Variants in DPYD observed in about 807,000 individuals in gnomAD.
The protein encoded by DPYD is dihydropyrimidine dehydrogenase [NADP(+)].
A neutral mutation model predicts 116.2 loss-of-function variants in DPYD; 109 were observed. That is an observed-to-expected ratio of 0.94 (90% CI 0.80 to 1.10). The LOEUF (loss-of-function observed/expected upper bound fraction) is 1.10, where lower values mean the gene tolerates loss of function less well. Among genes scored for constraint, DPYD ranks in the 50% least tolerant of loss-of-function variants. DPYD has a pLI of 0.00. For synonymous variants in DPYD, 440 were observed against 432.0 expected (o/e 1.02, Z -0.23); for missense variants, 1,302 against 1,254.5 (o/e 1.04, Z -0.57).
intron 16 of DPYD, among the ~76,000 whole-genome samples, chr1:97,333,496 C>A (rs1434717858): frequency 6.7e-6 from 1 of 148,794 alleles, no homozygotes; most frequent in Non-Finnish European, 1.5e-5. Context: ...CCATGCCCGG[C>A]CCCAATTGCT....
intron 16 of DPYD, among the ~76,000 whole-genome samples, chr1:97,332,095 A>G (rs1292884087): frequency 6.6e-6 from 1 of 152,160 alleles, no homozygotes; most frequent in African/African-American, 2.4e-5. Flanking sequence ...GAACACTGAG[A>G]ATTCCGTTGG....
chr1:97,110,848 T>A (rs1390038676), intron 20 of DPYD, among the ~76,000 whole-genome samples: 1 of 152,202 alleles, frequency 6.6e-6, no homozygotes, highest in African/African-American at 2.4e-5. Flanking sequence ...ATCATTAAAC[T>A]TAGTTGACCC....
intron 3 of DPYD, among the ~76,000 whole-genome samples, chr1:97,748,643 C>G (rs1664695333): frequency 6.6e-6 from 1 of 152,102 alleles, no homozygotes; most frequent in African/African-American, 2.4e-5. Flanking sequence ...TATAATTCAT[C>G]TTTGGTTCTC....
At chr1:97,718,492 T>C (rs555605606) in intron 5 of DPYD, among the ~76,000 whole-genome samples, 2 of 152,138 alleles carry the variant, frequency 1.3e-5, no homozygotes, top group African/African-American at 4.8e-5. Flanking sequence ...TATATTTAGA[T>C]GTCAATATCA....
chr1:97,266,818 T>G (rs1013165532), intron 18 of DPYD, among the ~76,000 whole-genome samples: 2 of 152,128 alleles, frequency 1.3e-5, no homozygotes, highest in African/African-American at 4.8e-5. Context: ...CTCAGAATGA[T>G]GACTTCCAGA....
chr1:97,304,245 G>A (rs1667030813), intron 18 of DPYD, among the ~76,000 whole-genome samples: 1 of 151,968 alleles, frequency 6.6e-6, no homozygotes, highest in Non-Finnish European at 1.5e-5. Flanking sequence ...TGTGGCACAT[G>A]CTAACGCGGT....
At chr1:97,571,493 A>G (rs1052537964) in intron 11 of DPYD, among the ~76,000 whole-genome samples, 1 of 151,940 alleles carries the variant, frequency 6.6e-6, no homozygotes, top group African/African-American at 2.4e-5. Context: ...AAAGGATGTC[A>G]CTGCATTTGG....
At chr1:97,701,760 A>C (rs760578728) in intron 5 of DPYD, among the ~76,000 whole-genome samples, 3 of 151,850 alleles carry the variant, frequency 2.0e-5, no homozygotes, top group Non-Finnish European at 4.4e-5. Flanking sequence ...GCATGAGATG[A>C]AAGGTCCTCA....
At chr1:97,468,658 A>G (rs531230646) in intron 13 of DPYD, among the ~76,000 whole-genome samples, 1 of 152,350 alleles carries the variant, frequency 6.6e-6, no homozygotes, top group East Asian at 1.9e-4. Context: ...TGTAAAAATC[A>G]TTCTTAACTC....
At chr1:97,766,484 T>G (rs1665861340) in intron 3 of DPYD, among the ~76,000 whole-genome samples, 1 of 152,056 alleles carries the variant, frequency 6.6e-6, no homozygotes, top group South Asian at 2.1e-4. Context: ...AATAAAATTG[T>G]TTTTCCTTAT....
chr1:97,673,082 G>A (rs1659957051), intron 8 of DPYD, among the ~76,000 whole-genome samples: 1 of 151,972 alleles, frequency 6.6e-6, no homozygotes, highest in Admixed American at 6.6e-5. Flanking sequence ...CACAATTGAA[G>A]TATGGATATT....
At chr1:97,333,187 A>T (rs1669108711) in intron 16 of DPYD, among the ~76,000 whole-genome samples, 1 of 151,258 alleles carries the variant, frequency 6.6e-6, no homozygotes, top group Non-Finnish European at 1.5e-5. Flanking sequence ...GCTCCCAAGT[A>T]GCTGGGACTA....
chr1:97,708,830 T>C (rs1206389127), intron 5 of DPYD, among the ~76,000 whole-genome samples: 1 of 152,018 alleles, frequency 6.6e-6, no homozygotes, highest in Non-Finnish European at 1.5e-5. Flanking sequence ...TTCATAGTTT[T>C]TCTCATATAC....
intron 2 of DPYD, among the ~76,000 whole-genome samples, chr1:97,877,730 T>A (rs1174476482): frequency 6.6e-6 from 1 of 152,028 alleles, no homozygotes; most frequent in Non-Finnish European, 1.5e-5. Flanking sequence ...TCTTACTGGG[T>A]ATCTGGTGAA....
chr1:97,728,099 G>C (rs148189779), intron 4 of DPYD, among the ~76,000 whole-genome samples: 2 of 151,908 alleles, frequency 1.3e-5, no homozygotes, highest in Admixed American at 1.3e-4. Context: ...ATACATATCT[G>C]ATTTTTTTGT....
chr1:97,913,164 C>T (rs1674049273), intron 1 of DPYD, among the ~76,000 whole-genome samples: 1 of 152,072 alleles, frequency 6.6e-6, no homozygotes, highest in African/African-American at 2.4e-5. Context: ...CTTGTATTCT[C>T]AGGCGAAATT....
chr1:97,201,625 G>A (rs1421650246), intron 19 of DPYD, among the ~76,000 whole-genome samples: 2 of 152,126 alleles, frequency 1.3e-5, no homozygotes, highest in African/African-American at 2.4e-5. Flanking sequence ...ACTAGATGGG[G>A]ATGTATTTGT....
chr1:97,192,367 G>A (rs1448607119), intron 20 of DPYD, among the ~76,000 whole-genome samples: 2 of 151,586 alleles, frequency 1.3e-5, no homozygotes, highest in African/African-American at 4.8e-5. Flanking sequence ...GTTAATTATT[G>A]ATGTAGTGAC....
intron 20 of DPYD, among the ~76,000 whole-genome samples, chr1:97,137,669 A>T (rs1037474777): frequency 6.6e-6 from 1 of 152,072 alleles, no homozygotes; most frequent in African/African-American, 2.4e-5. Flanking sequence ...TGTCTTTTTT[A>T]TCCTTGTCAC....
Sources: gnomAD v4.1 joint callset for allele counts (sites outside exome capture counted in the v4.1 genomes callset) on GRCh38, gnomAD v4.1.1 for gene constraint, MANE v1.5 for transcripts, NCBI Gene and HGNC (gene_info 2026-07-23, HGNC 2026-07-21) for gene names.